The following TMEM181 variants were observed in gnomAD, a reference collection of about 807,000 sequenced individuals.
TMEM181 encodes G protein-coupled receptor 178.
A neutral mutation model predicts 71.9 loss-of-function variants in TMEM181; 39 were observed. The observed-to-expected ratio is 0.54, with a 90% confidence interval of 0.42 to 0.71. The LOEUF is 0.71. TMEM181 is among the 30% of genes least tolerant of loss of function. The pLI is 0.00. For missense variants in TMEM181, 595 were observed against 583.0 expected, an observed-to-expected ratio of 1.02 and a Z score of -0.21; for synonymous variants, 245 against 228.8, an observed-to-expected ratio of 1.07 and a Z score of -0.64.
chr6:158,602,981 A>T (rs4709231), intron 6 of TMEM181, among the ~76,000 whole-genome samples: 76,071 of 151,720 alleles, frequency 0.5, 20,390 homozygotes, highest in East Asian at 0.75. Flanking sequence ...ATCTTCGTCT[A>T]ATGTAATAAT....
chr6:158,627,182 T>A (rs1786362633), intron 13 of TMEM181, among the ~76,000 whole-genome samples: 1 of 150,072 alleles, frequency 6.7e-6, no homozygotes, highest in African/African-American at 2.5e-5. Flanking sequence ...ACACCCTCAC[T>A]CTCACACCCT....
At chr6:158,561,034 A>C (rs61197453) in intron 1 of TMEM181, among the ~76,000 whole-genome samples, 19,659 of 152,162 alleles carry the variant, frequency 0.13, 2,416 homozygotes, top group East Asian at 0.67. Flanking sequence ...CCATATGTGC[A>C]GCCGCGCCTG....
chr6:158,559,695 C>G (rs1213409494), upstream of TMEM181, among the ~76,000 whole-genome samples: 1 of 152,186 alleles, frequency 6.6e-6, no homozygotes, highest in African/African-American at 2.4e-5. Flanking sequence ...TTTGGGGTCA[C>G]AAGACCCTTA....
At chr6:158,537,582 C>T (rs887636569) in intron 1 of TMEM181, among the ~76,000 whole-genome samples, 1 of 152,194 alleles carries the variant, frequency 6.6e-6, no homozygotes, top group Non-Finnish European at 1.5e-5. Flanking sequence ...AAAGTCTGTT[C>T]ACCGCCAATG....
rs1786471593 is a variant in TMEM181 at position 158,620,044 on chromosome 6, G to A, written c.897-3506G>A. ...GGGTGCTGTTCTCAGGCAATTGGCT[G>A]TTATTATCTTGTTTGTATTGGGACC... On this transcript the variant is annotated intron_variant, in intron 10 of 16. Coordinates refer to ENST00000684151, the MANE Select transcript of TMEM181 (RefSeq NM_001376852.1). The surrounding 1 kb of genome is among the most constrained non-coding windows in gnomAD (Gnocchi z 4.5). Among the ~76,000 whole-genome samples the A allele has an allele frequency of 6.6e-6, 1 of 152,136 alleles. No individual in the cohort carries two copies. The highest frequency in any genetic ancestry group is 2.4e-5 in the African/African-American group (1 of 41,420).
Position 158,553,802 on chromosome 6 carries a change from C to T in TMEM181, c.131+16937C>T, listed in dbSNP as rs561182389. On this transcript the variant is annotated intron_variant, in intron 1 of 16. Transcript: ENST00000367090. Reference sequence around the variant, plus strand: ...CATTCGGGTTAATTAATATAGAGAGCAAGTTGGCACTTAATGTCATTAGTA... The same window carrying T: ...CATTCGGGTTAATTAATATAGAGAGTAAGTTGGCACTTAATGTCATTAGTA... Among the ~76,000 whole-genome samples the T allele has an allele frequency of 7.9e-5, 12 of 152,310 alleles. No individual in the cohort carries two copies. The East Asian group carries it at 1.7e-3, about 22-fold the overall frequency.
chr6:158,607,861 G>C (rs528043923), intron 8 of TMEM181, among the ~76,000 whole-genome samples: 1 of 152,152 alleles, frequency 6.6e-6, no homozygotes, highest in Non-Finnish European at 1.5e-5. Context: ...AAACTTGGAC[G>C]TGCTACAGAC....
At chr6:158,591,304 A>G (rs1784096855) in intron 6 of TMEM181, among the ~76,000 whole-genome samples, 1 of 151,682 alleles carries the variant, frequency 6.6e-6, no homozygotes, top group Non-Finnish European at 1.5e-5. Flanking sequence ...TGCCCCAGTC[A>G]CCCAGCTGCA....
chr6:158,589,689 T>C lies in TMEM181; in HGVS notation c.399T>C (p.Ile133=). ...LTCAGKCAEI[I]VAHLGYLNYT... ...ATTTGCAGAAATGTGCGGAGATTAT[T>C]GTGGCTCACCTTGGCTACCTGAACT... The change falls in exon 6 of 17, where the codon ATT becomes ATC. Residue 133 remains isoleucine (I), a synonymous_variant. Coordinates refer to ENST00000684151, the MANE Select transcript of TMEM181 (RefSeq NM_001376852.1). 2 of 1,614,118 alleles carry C rather than the reference T, an allele frequency of 1.2e-6. No individual in the cohort carries two copies. Among genetic ancestry groups the C allele is most frequent in the Non-Finnish European group, 1.7e-6 (2 of 1,179,982 alleles).
At chr6:158,592,062 C>G (rs945351685) in intron 6 of TMEM181, among the ~76,000 whole-genome samples, 1 of 152,160 alleles carries the variant, frequency 6.6e-6, no homozygotes, top group Admixed American at 6.6e-5. Context: ...TCTGGTGGCA[C>G]TCTTCAGCAT....
chr6:158,610,698 T>TA (rs1164146759), intron 10 of TMEM181: 2 of 287,786 alleles, frequency 6.9e-6, no homozygotes, highest in Non-Finnish European at 1.3e-5. Context: ...CTGGAGACGT[T>TA]ATGGGCGCTC....
At chr6:158,542,115 C>G (rs928619087) in intron 1 of TMEM181, among the ~76,000 whole-genome samples, 5 of 151,978 alleles carry the variant, frequency 3.3e-5, no homozygotes, top group Non-Finnish European at 7.4e-5. Context: ...TCATGATGCC[C>G]AGGCTGGTCT....
At chr6:158,568,579 A>G (rs369572925) in intron 1 of TMEM181, among the ~76,000 whole-genome samples, 4 of 152,158 alleles carry the variant, frequency 2.6e-5, no homozygotes, top group East Asian at 1.9e-4. Flanking sequence ...ACTTGCCTCT[A>G]TGTGTTTAGA....
intron 10 of TMEM181, chr6:158,611,792 C>G (rs918913650): frequency 2.5e-5 from 5 of 198,990 alleles, no homozygotes; most frequent in South Asian, 1.9e-4. Flanking sequence ...GACAATAAAC[C>G]TGAGAGGGCC....
chr6:158,566,737 G>A (rs889966350), intron 1 of TMEM181, among the ~76,000 whole-genome samples: 11 of 151,938 alleles, frequency 7.2e-5, no homozygotes, highest in African/African-American at 2.7e-4. Context: ...GATACGGTGA[G>A]GGAGGTGATG....
At chr6:158,565,464 G>A (rs575681112) in intron 1 of TMEM181, among the ~76,000 whole-genome samples, 11 of 152,340 alleles carry the variant, frequency 7.2e-5, no homozygotes, top group African/African-American at 2.6e-4. Context: ...GGGGCTGCCA[G>A]GAACTGCTGT....
At chr6:158,537,565 G>C (rs1256536442) in intron 1 of TMEM181, among the ~76,000 whole-genome samples, 2 of 152,130 alleles carry the variant, frequency 1.3e-5, no homozygotes, top group Admixed American at 1.3e-4. Context: ...CAGTTCGGAG[G>C]GGAAGGAAAG....
upstream of TMEM181, among the ~76,000 whole-genome samples, chr6:158,557,666 C>T (rs1038990761): frequency 1.6e-4 from 24 of 152,236 alleles, no homozygotes; most frequent in Admixed American, 1.2e-3. Flanking sequence ...TACAGGCACC[C>T]GCCATCACGC....
upstream of TMEM181, chr6:158,559,946 G>C: frequency 6.8e-6 from 4 of 587,952 alleles, no homozygotes; most frequent in Non-Finnish European, 8.5e-6. Context: ...GGGTGCTCCC[G>C]GCCGTGGGGC....
Sources: allele counts gnomAD v4.1 joint callset (sites outside exome capture counted in the v4.1 genomes callset), GRCh38; gene constraint gnomAD v4.1.1; non-coding constraint Gnocchi (gnomAD v3.1); transcripts MANE v1.5; gene names NCBI Gene and HGNC (gene_info 2026-07-23, HGNC 2026-07-21).